GNAQ: variants seen among roughly 807,000 people sequenced by gnomAD.
The protein encoded by GNAQ is guanine nucleotide-binding protein G(q) subunit alpha.
GNAQ carries 8 observed loss-of-function variants against 43.9 expected under a neutral mutation model. That is an observed-to-expected ratio of 0.18 (90% CI 0.11 to 0.33). The LOEUF (loss-of-function observed/expected upper bound fraction) is 0.33. Ranked by LOEUF, GNAQ falls within the 10% of genes least tolerant of loss-of-function variation. The pLI is 1.00. For synonymous variants in GNAQ, 155 were observed against 170.7 expected (o/e 0.91, Z 0.71); for missense variants, 158 against 450.8 (o/e 0.35, Z 5.88).
intron 4 of GNAQ, among the ~76,000 whole-genome samples, chr9:77,796,728 T>C (rs1048865511): frequency 9.9e-5 from 15 of 152,152 alleles, no homozygotes; most frequent in African/African-American, 3.6e-4. Context: ...ATACAAAACA[T>C]CACATATTTT....
intron 2 of GNAQ, among the ~76,000 whole-genome samples, chr9:77,888,363 T>G (rs946843154): frequency 2.0e-5 from 3 of 152,182 alleles, no homozygotes; most frequent in African/African-American, 7.2e-5. Flanking sequence ...TACTAATTCT[T>G]GAATGACTTC....
At chr9:77,839,004 T>C (rs775031642) in intron 2 of GNAQ, among the ~76,000 whole-genome samples, 3 of 152,152 alleles carry the variant, frequency 2.0e-5, no homozygotes, top group Non-Finnish European at 2.9e-5. Flanking sequence ...AGTAGTCATA[T>C]GGTACCCTCT....
intron 3 of GNAQ, among the ~76,000 whole-genome samples, chr9:77,814,567 T>A (rs1826982266): frequency 6.6e-6 from 1 of 152,176 alleles, no homozygotes; most frequent in Non-Finnish European, 1.5e-5. Flanking sequence ...GTGAATCATA[T>A]CTTATACAAA....
intron 1 of GNAQ, among the ~76,000 whole-genome samples, chr9:78,016,169 T>C (rs916611718): frequency 6.6e-5 from 10 of 152,176 alleles, no homozygotes; most frequent in South Asian, 6.2e-4. Flanking sequence ...TTTTGTGACC[T>C]TGGATTTTTC....
chr9:77,785,074 C>G (rs149642780), intron 5 of GNAQ, among the ~76,000 whole-genome samples: 1 of 152,160 alleles, frequency 6.6e-6, no homozygotes, highest in East Asian at 1.9e-4. Flanking sequence ...TATGCCCTAA[C>G]CCCAGAACTT....
At chr9:77,864,911 T>G (rs1285157039) in intron 2 of GNAQ, among the ~76,000 whole-genome samples, 2 of 152,204 alleles carry the variant, frequency 1.3e-5, no homozygotes, top group Non-Finnish European at 2.9e-5. Flanking sequence ...TGGAGACAGC[T>G]TCTTTAAACC....
At chr9:77,975,354 T>G (rs1746019609) in intron 1 of GNAQ, among the ~76,000 whole-genome samples, 1 of 152,172 alleles carries the variant, frequency 6.6e-6, no homozygotes, top group South Asian at 2.1e-4. Flanking sequence ...CAATAAGTGC[T>G]TTATTCAAAC....
chr9:77,857,573 G>A (rs191762966), intron 2 of GNAQ, among the ~76,000 whole-genome samples: 1 of 147,806 alleles, frequency 6.8e-6, no homozygotes, highest in East Asian at 2.0e-4. Context: ...AAGGAAGGAA[G>A]GAAGGGTAGA....
chr9:77,996,754 G>C (rs984515534), intron 1 of GNAQ, among the ~76,000 whole-genome samples: 1 of 151,332 alleles, frequency 6.6e-6, no homozygotes, highest in Non-Finnish European at 1.5e-5. Flanking sequence ...ATTTTAAGAT[G>C]TCTTTTTCTT....
chr9:77,897,938 C>A, intron 2 of GNAQ, among the ~76,000 whole-genome samples: 1 of 89,942 alleles, frequency 1.1e-5, no homozygotes, highest in Non-Finnish European at 2.7e-5. Context: ...AAACACTTTC[C>A]CTGGAAAAAA....
At chr9:77,806,833 A>G (rs1012662242) in intron 3 of GNAQ, among the ~76,000 whole-genome samples, 7 of 152,206 alleles carry the variant, frequency 4.6e-5, no homozygotes, top group Non-Finnish European at 1.0e-4. Context: ...CATGTCCTCA[A>G]GGAGATTATA....
At chr9:77,739,342 T>C (rs937391724) in intron 5 of GNAQ, among the ~76,000 whole-genome samples, 6 of 152,070 alleles carry the variant, frequency 3.9e-5, no homozygotes, top group African/African-American at 1.4e-4. Context: ...GAGAATTGTC[T>C]GCTCCTGTCT....
chr9:77,880,426 G>T (rs1452883584), intron 2 of GNAQ, among the ~76,000 whole-genome samples: 1 of 152,084 alleles, frequency 6.6e-6, no homozygotes, highest in Non-Finnish European at 1.5e-5. Flanking sequence ...AAACTGGAAG[G>T]CTGGAGTGCA....
At chr9:77,890,975 G>C (rs569578779) in intron 2 of GNAQ, among the ~76,000 whole-genome samples, 12 of 152,228 alleles carry the variant, frequency 7.9e-5, no homozygotes. Flanking sequence ...TGGAGGAGTA[G>C]GAGAAGGAAG....
chr9:77,991,857 C>T (rs1447532040), intron 1 of GNAQ, among the ~76,000 whole-genome samples: 1 of 152,208 alleles, frequency 6.6e-6, no homozygotes, highest in Non-Finnish European at 1.5e-5. Flanking sequence ...CTTAGAATAA[C>T]AGCCTCCAGC....
chr9:77,872,440 C>A (rs1000165973), intron 2 of GNAQ, among the ~76,000 whole-genome samples: 2 of 152,144 alleles, frequency 1.3e-5, no homozygotes, highest in South Asian at 4.2e-4. Flanking sequence ...AGAGGGAACA[C>A]AATGTGTAAA....
chr9:77,820,230 GAT>G (rs1319266241), intron 2 of GNAQ, among the ~76,000 whole-genome samples: 1 of 152,014 alleles, frequency 6.6e-6, no homozygotes, highest in Non-Finnish European at 1.5e-5. Flanking sequence ...GCCCTGACTG[GAT>G]AATAGATCTC....
chr9:77,805,629 C>T (rs996470081), intron 3 of GNAQ, among the ~76,000 whole-genome samples: 1 of 152,144 alleles, frequency 6.6e-6, no homozygotes, highest in Admixed American at 6.5e-5. Flanking sequence ...TGGTCTCGAA[C>T]TCCTGACCTC....
intron 5 of GNAQ, among the ~76,000 whole-genome samples, chr9:77,737,652 A>G (rs1244845043): frequency 6.6e-6 from 1 of 152,218 alleles, no homozygotes; most frequent in East Asian, 1.9e-4. Flanking sequence ...TATTTCAGCA[A>G]TAATCAACAG....
Sources: allele counts gnomAD v4.1 joint callset (sites outside exome capture counted in the v4.1 genomes callset), GRCh38; gene constraint gnomAD v4.1.1; transcripts MANE v1.5; gene names NCBI Gene and HGNC (gene_info 2026-07-23, HGNC 2026-07-21).